Variants in SLC39A4 observed in about 807,000 individuals in gnomAD.
SLC39A4 encodes the protein zinc transporter ZIP4.
A neutral mutation model predicts 56.6 loss-of-function variants in SLC39A4; 49 were observed. The observed-to-expected ratio is 0.87, with a 90% CI of 0.69 to 1.10. The LOEUF (loss-of-function observed/expected upper bound fraction) is 1.10. Ranked by LOEUF, SLC39A4 falls within the 50% of genes least tolerant of loss-of-function variation. The pLI is 0.00. For synonymous variants in SLC39A4, 540 were observed against 420.4 expected (o/e 1.28, Z -3.48); for missense variants, 993 against 864.2 (o/e 1.15, Z -1.87).
chr8:144,414,967 A>T lies in SLC39A4; in HGVS notation c.804+7T>A. On this transcript the variant is annotated splice_region_variant and intron_variant, in intron 4 of 11. Coordinates refer to ENST00000301305, the MANE Select transcript of SLC39A4 (RefSeq NM_130849.4). ...GAGGCCCCATCTTACCCCAGGGCGC[A>T]GCTCACCGTGTCCCACACACTGGAG... 1 of 1,612,724 alleles carries T rather than the reference A, an allele frequency of 6.2e-7. No individual in the cohort carries two copies. The highest frequency in any genetic ancestry group is 8.5e-7 in the Non-Finnish European group (1 of 1,179,924).
intron 3 of SLC39A4, 38 bp from the exon 4 acceptor site, chr8:144,415,148 GGCTCCGGCCCTGCCCCC>G: frequency 6.2e-7 from 1 of 1,612,740 alleles, no homozygotes. Flanking sequence ...AGTCTGTGTG[GGCTCCGGCCCTGCCCCC>G]CAGGGACGTG....
Position 144,416,017 on chromosome 8 carries a change from C to T in SLC39A4, c.267G>A (p.Glu89=), listed in dbSNP as rs1822177542. The T allele has an allele frequency of 1.3e-6, 2 of 1,579,610 alleles. No individual in the cohort carries two copies. Among genetic ancestry groups the T allele is most frequent in the South Asian group, 1.1e-5 (1 of 88,010 alleles). ...CACTGAGGCGGGCGACGTACCTGGC[C>T]TCCAGGACCGGGCCCGGGGGCAGCC... ...GSGLPPGPVL[E]ARYVARLSAA... Residue 89 remains glutamate (E), a synonymous_variant, in exon 2 of 12, where the codon GAG becomes GAA. Transcript: ENST00000301305.
rs1554871750 is a variant in SLC39A4, at chr8:144,412,493, G to A, written c.*45C>T. The A allele has an allele frequency of 1.2e-6, 2 of 1,613,880 alleles. No homozygotes were observed. Among genetic ancestry groups the A allele is most frequent in the African/African-American group, 2.7e-5 (2 of 74,918 alleles). ...TCTGGTTTCTGGGCTGTAGGTTTGT[G>A]AGGTGTGGGATCTTAAGTCAAAGGT... On this transcript the variant is annotated 3_prime_UTR_variant, in exon 12 of 12. Coordinates refer to ENST00000301305, the MANE Select transcript of SLC39A4 (RefSeq NM_130849.4).
At chr8:144,415,533 CCCCTCCCTGGAGCCACAG>C in intron 2 of SLC39A4, 114 bp from the exon 3 acceptor site, 1 of 1,300,226 alleles carries the variant, frequency 7.7e-7, no homozygotes. Flanking sequence ...ACCAGCCCCG[CCCCTCCCTGGAGCCACAG>C]CCCTCCCTGC....
rs1554873327 is a variant in SLC39A4 at position 144,414,967 on chromosome 8, A to G, written c.804+7T>C. The G allele has an allele frequency of 6.8e-6, 11 of 1,612,724 alleles. No homozygotes were observed. The highest frequency in any genetic ancestry group is 9.3e-6 in the Non-Finnish European group (11 of 1,179,924). On this transcript the variant is annotated splice_region_variant and intron_variant, in intron 4 of 11. Transcript: ENST00000301305. ...GAGGCCCCATCTTACCCCAGGGCGC[A>G]GCTCACCGTGTCCCACACACTGGAG...
In SLC39A4 at chr8:144,414,377, A is replaced by AG; in HGVS notation, c.1033dup (p.Leu345ProfsTer73). On this transcript the variant is annotated frameshift_variant, in exon 6 of 12. Transcript: ENST00000301305. LOFTEE classifies it high-confidence loss of function. ...GCAGCCAGTGCAGGTCAGCAGCAGG[A>AG]GGCCAAAGACCGCGCAGAGGCAGAT... 1.3e-6 allele frequency: 2 copies of AG among 1,583,448 alleles called. No homozygotes were observed. Among genetic ancestry groups the AG allele is most frequent in the Non-Finnish European group, 1.7e-6 (2 of 1,166,208 alleles).
In SLC39A4 at chr8:144,415,838, G is replaced by A. The variant is rs931211778; in HGVS notation, c.446C>T (p.Ala149Val). 40 of 1,595,896 alleles carry A rather than the reference G, an allele frequency of 2.5e-5. No individual in the cohort carries two copies. Among genetic ancestry groups the A allele is most frequent in the Non-Finnish European group, 3.3e-5 (39 of 1,175,804 alleles). Residue 149 changes from alanine to valine, a missense_variant, in exon 2 of 12, where the codon GCC becomes GTC. Ala to Val is a moderately conservative substitution (Grantham distance 64, BLOSUM62 0). Coordinates refer to ENST00000301305, the MANE Select transcript of SLC39A4 (RefSeq NM_130849.4). ...GLSWLLQRMQ[A>V]RAAGQTPKMA... Reference sequence around the variant, plus strand: ...CTTGGGGGTCTGGCCGGCAGCCCGGGCCTGCATCCTCTGCAGCAGCCAGCT... The same window carrying A: ...CTTGGGGGTCTGGCCGGCAGCCCGGACCTGCATCCTCTGCAGCAGCCAGCT...
At chr8:144,416,418 T>C in intron 1 of SLC39A4, 180 bp downstream of exon 1, 1 of 1,446,960 alleles carries the variant, frequency 6.9e-7, no homozygotes, top group Non-Finnish European at 9.0e-7. Context: ...TGGAAAGGCC[T>C]GTCTGCCCTC....
intron 2 of SLC39A4, 142 bp from the exon 3 acceptor site, chr8:144,415,561 C>T: frequency 1.7e-6 from 2 of 1,176,582 alleles, no homozygotes; most frequent in South Asian, 1.5e-5. Context: ...GCCCTCCCTG[C>T]CGGGCCCAGC....
chr8:144,413,315 C>G lies in SLC39A4; in HGVS notation c.1549G>C (p.Ala517Pro). 6.2e-7 allele frequency: 1 copy of G among 1,603,946 alleles called. No homozygotes were observed. Among genetic ancestry groups the G allele is most frequent in the Non-Finnish European group, 8.5e-7 (1 of 1,178,674 alleles). Residue 517 changes from alanine to proline, a missense_variant, in exon 10 of 12, where the codon GCC (alanine) becomes CCC (proline). Physicochemically the swap from Ala to Pro is conservative, Grantham distance 27 (BLOSUM62 -1). Coordinates refer to ENST00000301305, the MANE Select transcript of SLC39A4 (RefSeq NM_130849.4). ...HNFADGLAVG[A>P]AFASSWKTGL... is the part of the protein sequence containing the mutation. ...GTCTTCCAGGAGGACGCGAAGGCGGCGCCCACGGCCAGCCCGTCGGCGAAG... is the reference window on the plus strand; with the variant it reads ...GTCTTCCAGGAGGACGCGAAGGCGGGGCCCACGGCCAGCCCGTCGGCGAAG...
Position 144,414,878 on chromosome 8 carries a change from C to T in SLC39A4, c.823G>A (p.Asp275Asn). The T allele has an allele frequency of 6.2e-7, 1 of 1,613,352 alleles. No homozygotes were observed. Among genetic ancestry groups the T allele is most frequent in the Non-Finnish European group, 8.5e-7 (1 of 1,179,962 alleles). Residue 275 changes from aspartate to asparagine, a missense_variant, in exon 5 of 12, where the codon GAC becomes AAC. Asp to Asn is a conservative substitution (Grantham distance 23). Transcript: ENST00000301305. The stretch of plus-strand genomic sequence containing the variant: ...GACAGTCCATATGCAGCCATCACGT[C>T]CCTGGCACTCAGGCATACCTGGGGG... ...VWDTVCLSAR[D>N]VMAAYGLSEQ...
At chr8:144,415,206 A>G in intron 3 of SLC39A4, 21 bp downstream of exon 3, 1 of 1,612,542 alleles carries the variant, frequency 6.2e-7, no homozygotes. Flanking sequence ...GCCCCCCTCC[A>G]CAGCCCAGCC....
In SLC39A4 at chr8:144,413,966, C is replaced by G. The variant is rs145813344; in HGVS notation, c.1279G>C (p.Asp427His). ...TTCCCAAGAAGCCTGACCTCCGGGTCCCTGGGCAGCAGGAGATTGAAGAGG... is the reference window on the plus strand; with the variant it reads ...TTCCCAAGAAGCCTGACCTCCGGGTGCCTGGGCAGCAGGAGATTGAAGAGG... Reference protein sequence around the residue: ...ENLFNLLLPRDPEDLEDGPCG... With the variant: ...ENLFNLLLPRHPEDLEDGPCG... The change falls in exon 7 of 12, where the codon GAC becomes CAC. Residue 427 changes from aspartate (D) to histidine (H), a missense_variant. Asp to His is a moderately conservative substitution (Grantham distance 81). Coordinates refer to ENST00000301305, the MANE Select transcript of SLC39A4 (RefSeq NM_130849.4). 3.6e-5 allele frequency: 58 copies of G among 1,610,540 alleles called. No individual in the cohort carries two copies. The highest frequency in any genetic ancestry group is 2.5e-4 in the East Asian group (11 of 44,808).
Position 144,413,735 on chromosome 8 carries a change from C to T in SLC39A4, c.1419+15G>A. The T allele has an allele frequency of 2.0e-6, 3 of 1,535,382 alleles. No individual in the cohort carries two copies. The highest frequency in any genetic ancestry group is 3.9e-5 in the Admixed American group (2 of 50,954). ...AGGGGCTCCGCGTGGGATGGGGCAT[C>T]TGGCGCCCACTCACCAGGTCTGCGC... is the stretch of plus-strand genomic sequence containing the variant. On this transcript the variant is annotated intron_variant, in intron 8 of 11. Transcript: ENST00000301305.
rs200073988 is a variant in SLC39A4, at chr8:144,414,285, C to A, written c.1126G>T (p.Ala376Ser). The change falls in exon 6 of 12, where the codon GCT becomes TCT. Residue 376 changes from alanine (A) to serine (S), a missense_variant. Ala to Ser is a moderately conservative substitution (Grantham distance 99). Transcript: ENST00000301305. The part of the protein sequence containing the change: ...SLAVGAVTGD[A>S]VLHLTPKVLG... ...ACCTTGGGCGTCAGATGCAGGACAGCGTCCCCAGTGACTGCACCCACTGCC... is the reference window on the plus strand; with the variant it reads ...ACCTTGGGCGTCAGATGCAGGACAGAGTCCCCAGTGACTGCACCCACTGCC... 5.0e-6 allele frequency: 8 copies of A among 1,608,892 alleles called. No homozygotes were observed. The East Asian group carries it at 1.8e-4, about 36-fold the overall frequency.
chr8:144,413,166 C>T, intron 10 of SLC39A4, 71 bp downstream of exon 10: 2 of 1,480,872 alleles, frequency 1.4e-6, no homozygotes, highest in Non-Finnish European at 1.8e-6. Flanking sequence ...GCCCCGCCCA[C>T]CTGTTCCAGG....
Position 144,412,847 on chromosome 8 carries a change from G to GC in SLC39A4, c.1726dup (p.Ala576GlyfsTer69). The GC allele has an allele frequency of 6.2e-7, 1 of 1,612,658 alleles. No homozygotes were observed. The highest frequency in any genetic ancestry group is 8.5e-7 in the Non-Finnish European group (1 of 1,179,908). ...CTCCTCGCTGACTCCAACCGCGAGT[G>GC]CCACGTAGAGACCAGCGAAGGCCGT... is the stretch of plus-strand genomic sequence containing the variant. On this transcript the variant is annotated frameshift_variant, in exon 11 of 12. Coordinates refer to ENST00000301305, the MANE Select transcript of SLC39A4 (RefSeq NM_130849.4). LOFTEE classifies it high-confidence loss of function.
At position 144,413,235 on chromosome 8, in the gene SLC39A4, A is replaced by G. The variant is rs1554872225; in HGVS notation, c.1627+2T>C. ...CTCCTTCCAGGCCCCGCCTGCGCTC[A>G]CCCAGCTCGTGTGGCAACTCGTGGC... On this transcript the variant is annotated splice_donor_variant, in intron 10 of 11. Transcript: ENST00000301305. LOFTEE classifies it high-confidence loss of function. 6.4e-7 allele frequency: 1 copy of G among 1,571,468 alleles called. No homozygotes were observed. The highest frequency in any genetic ancestry group is 1.8e-5 in the Admixed American group (1 of 54,644).
rs782402306 is a variant in SLC39A4, at chr8:144,412,929, G to T, written c.1645C>A (p.Leu549Met). Reference protein sequence around the residue: ...PHELGDFAALLHAGLSVRQAL... With the variant: ...PHELGDFAALMHAGLSVRQAL... ...TGGCGCACGGACAGCCCCGCGTGCA[G>T]CAAGGCGGCGAAGTCCCCTGCGGGC... is the stretch of plus-strand genomic sequence containing the variant. Residue 549 changes from leucine to methionine, a missense_variant, in exon 11 of 12, where the codon CTG (leucine) becomes ATG (methionine). Physicochemically the swap from Leu to Met is conservative, Grantham distance 15 (BLOSUM62 2). Coordinates refer to ENST00000301305, the MANE Select transcript of SLC39A4 (RefSeq NM_130849.4). The T allele has an allele frequency of 3.1e-6, 5 of 1,603,382 alleles. No individual in the cohort carries two copies. In the South Asian group the frequency reaches 5.5e-5, roughly 18 times the overall value.
Sources: gnomAD v4.1 joint callset for allele counts on GRCh38, gnomAD v4.1.1 for gene constraint, MANE v1.5 for transcripts, NCBI Gene and HGNC (gene_info 2026-07-23, HGNC 2026-07-21) for gene names.